PHF14: variants seen among roughly 807,000 people sequenced by gnomAD.
PHF14 encodes the protein PHD finger protein 14.
In PHF14, 55 loss-of-function variants were observed where a neutral mutation model predicts 117.9. The observed-to-expected ratio is 0.47, with a 90% CI of 0.38 to 0.58. PHF14 has a LOEUF of 0.58. Among genes scored for constraint, PHF14 ranks in the 20% least tolerant of loss-of-function variants. The probability of loss-of-function intolerance (pLI) is 0.00; values close to 1 mark genes in which losing one functional copy is unlikely to be tolerated. For synonymous variants in PHF14, 409 were observed against 368.6 expected, an observed-to-expected ratio of 1.11 and a Z score of -1.26; for missense variants, 978 against 1,122.2, an observed-to-expected ratio of 0.87 and a Z score of 1.84.
At chr7:11,065,376 T>G (rs1467287635) in intron 16 of PHF14, among the ~76,000 whole-genome samples, 1 of 152,130 alleles carries the variant, frequency 6.6e-6, no homozygotes, top group East Asian at 1.9e-4. Flanking sequence ...TAGTGATACC[T>G]TATTTATTTT....
intron 5 of PHF14, among the ~76,000 whole-genome samples, chr7:11,021,500 T>C (rs1231363751): frequency 5.9e-5 from 9 of 152,204 alleles, no homozygotes; most frequent in Non-Finnish European, 1.5e-5. Flanking sequence ...TATACTTGTA[T>C]GCCAGTCACA....
At chr7:11,068,708 T>G (rs1785507471) in intron 16 of PHF14, among the ~76,000 whole-genome samples, 1 of 152,176 alleles carries the variant, frequency 6.6e-6, no homozygotes, top group African/African-American at 2.4e-5. Flanking sequence ...CACAATTGAT[T>G]TTTAAAAATA....
intron 16 of PHF14, among the ~76,000 whole-genome samples, chr7:11,092,107 C>T (rs2128339058): frequency 6.6e-6 from 1 of 152,180 alleles, no homozygotes; most frequent in East Asian, 1.9e-4. Context: ...ATAAATAATA[C>T]TTATCTCTGC....
intron 17 of PHF14, among the ~76,000 whole-genome samples, chr7:11,115,195 A>G (rs558281596): frequency 2.6e-5 from 4 of 151,754 alleles, no homozygotes; most frequent in African/African-American, 7.2e-5. Context: ...TTCCACTACT[A>G]CTGTCTTGAT....
At chr7:11,117,530 T>G (rs1787630324) in intron 17 of PHF14, among the ~76,000 whole-genome samples, 1 of 148,408 alleles carries the variant, frequency 6.7e-6, no homozygotes, top group Non-Finnish European at 1.5e-5. Context: ...GTTTTATTTT[T>G]TATCTTTTCT....
intron 4 of PHF14, among the ~76,000 whole-genome samples, chr7:11,001,171 G>A (rs184202363): frequency 4.4e-4 from 67 of 151,964 alleles, no homozygotes; most frequent in African/African-American, 1.5e-3. Context: ...CCCTTATATT[G>A]CCTTTGCTCC....
At chr7:11,075,571 T>G (rs1375738376) in intron 16 of PHF14, among the ~76,000 whole-genome samples, 1 of 77,824 alleles carries the variant, frequency 1.3e-5, no homozygotes, top group Non-Finnish European at 2.9e-5. Context: ...GAGGTTTTTT[T>G]TTTTTTTTTT....
chr7:11,091,323 G>A (rs1786633454), intron 16 of PHF14, among the ~76,000 whole-genome samples: 1 of 152,088 alleles, frequency 6.6e-6, no homozygotes, highest in Non-Finnish European at 1.5e-5. Context: ...GGGAGAGAAT[G>A]GTGAGAGTAG....
At chr7:11,039,191 T>C (rs1041341954) in intron 11 of PHF14, among the ~76,000 whole-genome samples, 1 of 152,150 alleles carries the variant, frequency 6.6e-6, no homozygotes, top group Non-Finnish European at 1.5e-5. Context: ...TTTAGCAGTT[T>C]TAGATTCCCT....
chr7:11,094,463 A>T (rs1403553153), intron 16 of PHF14, among the ~76,000 whole-genome samples: 1 of 151,966 alleles, frequency 6.6e-6, no homozygotes. Context: ...GACTCCTCCT[A>T]CTTCTCTCTT....
rs185041136 is a variant in PHF14 at position 10,983,296 on chromosome 7, G to A, written c.900+137G>A. 1.3e-5 allele frequency: 11 copies of A among 856,790 alleles called. No homozygotes were observed. The East Asian group carries it at 3.0e-4, about 23-fold the overall frequency. The allele number at this position is 856,790 out of a possible 1,614,324, so 53.1% of individuals were successfully genotyped here. On this transcript the variant is annotated intron_variant, in intron 3 of 17. Coordinates refer to ENST00000634607, the MANE Select transcript of PHF14 (RefSeq NM_001007157.2). Reference sequence around the variant, plus strand: ...TGTGGGATGAATGAGCACCCTAACTGTAACATTTTTTCATTTGGCCAACAG... The same window carrying A: ...TGTGGGATGAATGAGCACCCTAACTATAACATTTTTTCATTTGGCCAACAG...
rs769413443 is a variant in PHF14 at position 11,013,725 on chromosome 7, A to G, written c.1046-22A>G. The G allele has an allele frequency of 1.0e-5, 14 of 1,383,342 alleles. No homozygotes were observed. The Admixed American group carries it at 1.5e-4, about 15-fold the overall frequency. 85.7% of individuals were successfully genotyped at this position (1,383,342 alleles called of 1,614,324 possible). A position where few individuals can be genotyped will look rare whatever the true frequency, so the allele number is the denominator to read the frequency against. On this transcript the variant is annotated intron_variant, in intron 4 of 17. Coordinates refer to ENST00000634607, the MANE Select transcript of PHF14 (RefSeq NM_001007157.2). ...TTAACAAAATAAACCCTATTTAATC[A>G]TAGTGTTTTTGTTTTTTTTAGGTTG...
chr7:10,985,258 T>C (rs1403639466), intron 3 of PHF14, among the ~76,000 whole-genome samples: 1 of 152,306 alleles, frequency 6.6e-6, no homozygotes, highest in African/African-American at 2.4e-5. Flanking sequence ...TAGCTAGTGA[T>C]AATTTCTGTG....
chr7:11,085,420 C>T (rs933839218), intron 16 of PHF14, among the ~76,000 whole-genome samples: 2 of 152,014 alleles, frequency 1.3e-5, no homozygotes, highest in East Asian at 1.9e-4. Flanking sequence ...ATTGATGTAA[C>T]CTTTTGTGTA....
chr7:11,139,573 C>A (rs1470724111), intron 17 of PHF14, among the ~76,000 whole-genome samples: 4 of 152,072 alleles, frequency 2.6e-5, no homozygotes, highest in African/African-American at 9.7e-5. Context: ...GCTTTGAAAT[C>A]AAATTTAAAG....
intron 17 of PHF14, among the ~76,000 whole-genome samples, chr7:11,139,504 A>T (rs1788340884): frequency 6.6e-6 from 1 of 152,200 alleles, no homozygotes; most frequent in South Asian, 2.1e-4. Flanking sequence ...ACTAATTGTC[A>T]CACTTTGATG....
intron 17 of PHF14, among the ~76,000 whole-genome samples, chr7:11,123,387 G>A (rs1029801300): frequency 6.6e-6 from 1 of 152,050 alleles, no homozygotes; most frequent in African/African-American, 2.4e-5. Context: ...ACTTAAGTAG[G>A]CGAATGTATA....
At chr7:11,111,116 TATTTG>T (rs1277754656) in intron 16 of PHF14, 1 of 395,590 alleles carries the variant, frequency 2.5e-6, no homozygotes, top group African/African-American at 2.1e-5. Context: ...GTGTTCTAAA[TATTTG>T]TTTTGTTTGT....
Position 10,982,631 on chromosome 7 carries a change from AAAGGAGAAAGAG to A in PHF14, c.378_389del (p.Lys127_Glu130del), listed in dbSNP as rs752995719. 2.2e-5 allele frequency: 34 copies of A among 1,543,934 alleles called. 1 individual carries two copies. The South Asian group carries it at 2.5e-4, about 11-fold the overall frequency. On this transcript the variant is annotated inframe_deletion, in exon 3 of 18. Coordinates refer to ENST00000634607, the MANE Select transcript of PHF14 (RefSeq NM_001007157.2). ...AGAAAGAGAAGGAAAAAGAAAAGGAAAAGGAGAAAGAGAAGGAAAGAGAGAAGGAAAAAGAAA... is the reference window on the plus strand; with the variant it reads ...AGAAAGAGAAGGAAAAAGAAAAGGAAAAGGAAAGAGAGAAGGAAAAAGAAA...
Sources: gnomAD v4.1 joint callset for allele counts (sites outside exome capture counted in the v4.1 genomes callset) on GRCh38, gnomAD v4.1.1 for gene constraint, MANE v1.5 for transcripts, NCBI Gene and HGNC (gene_info 2026-07-23, HGNC 2026-07-21) for gene names.